WWOX: variants seen among roughly 807,000 people sequenced by gnomAD.
WWOX encodes the protein WW domain containing oxidoreductase, also known as WW domain-containing oxidoreductase.
Under a neutral mutation model 46.2 loss-of-function variants are expected in WWOX, and 69 were observed. That is an observed-to-expected ratio of 1.49 (90% CI 1.23 to 1.82). The LOEUF (loss-of-function observed/expected upper bound fraction) is 1.82, where lower values mean the gene tolerates loss of function less well. WWOX is among the 40% of genes most tolerant of loss of function. The pLI is 0.00. For synonymous variants in WWOX, 359 were observed against 202.6 expected, an observed-to-expected ratio of 1.77 and a Z score of -6.56; for missense variants, 919 against 542.6, an observed-to-expected ratio of 1.69 and a Z score of -6.89.
chr16:78,479,890 C>G (rs189102061), intron 8 of WWOX, among the ~76,000 whole-genome samples: 5 of 152,042 alleles, frequency 3.3e-5, no homozygotes, highest in Admixed American at 1.3e-4. Flanking sequence ...GCATTGTTCA[C>G]TGCCCCCTCC....
chr16:78,849,397 C>G (rs1036014178), intron 8 of WWOX, among the ~76,000 whole-genome samples: 1 of 151,624 alleles, frequency 6.6e-6, no homozygotes, highest in South Asian at 2.1e-4. Flanking sequence ...CGGTGAAACC[C>G]CATCTCTATT....
chr16:78,405,368 C>T (rs986461352), intron 6 of WWOX, among the ~76,000 whole-genome samples: 1 of 152,114 alleles, frequency 6.6e-6, no homozygotes, highest in African/African-American at 2.4e-5. Flanking sequence ...CAGCAGAATC[C>T]ATTCCCAGTT....
rs74034976 is a variant in WWOX, at chr16:79,112,224, T to G, written c.1057-99384T>G. Among the ~76,000 whole-genome samples the G allele has an allele frequency of 8.1e-3, 1,230 of 152,278 alleles. 20 individuals are homozygous for G. The highest frequency in any genetic ancestry group is 0.028 in the African/African-American group (1,161 of 41,558). ...TTATACATGCCAAACAGACTCTTGG[T>G]TTGTGTCTACTGACCCAACAAAAGG... On this transcript the variant is annotated intron_variant, in intron 8 of 8. Coordinates refer to ENST00000566780, the MANE Select transcript of WWOX (RefSeq NM_016373.4).
intron 5 of WWOX, among the ~76,000 whole-genome samples, chr16:78,332,252 A>G (rs139054989): frequency 6.6e-6 from 1 of 152,326 alleles, no homozygotes; most frequent in Non-Finnish European, 1.5e-5. Flanking sequence ...CAGATCCCAG[A>G]TGGATCTACT....
At chr16:79,009,074 C>T (rs921052666) in intron 8 of WWOX, among the ~76,000 whole-genome samples, 1 of 152,170 alleles carries the variant, frequency 6.6e-6, no homozygotes, top group Admixed American at 6.5e-5. Context: ...GAGGGATCCA[C>T]GGAGCTGGCA....
intron 4 of WWOX, among the ~76,000 whole-genome samples, chr16:78,144,426 T>TTATTATATATATATATA: frequency 1.2e-5 from 1 of 83,228 alleles, no homozygotes; most frequent in Non-Finnish European, 2.3e-5. Context: ...GTTTTTGCCA[T>TTATTATATATATATATA]TACTATATAT....
At chr16:79,162,014 C>G (rs566312244) in intron 8 of WWOX, among the ~76,000 whole-genome samples, 1 of 152,298 alleles carries the variant, frequency 6.6e-6, no homozygotes, top group East Asian at 1.9e-4. Context: ...AACCAGGACA[C>G]CTGTCTCCCA....
At chr16:78,269,918 T>TTTTTTTTG (rs2079441155) in intron 5 of WWOX, among the ~76,000 whole-genome samples, 1 of 151,404 alleles carries the variant, frequency 6.6e-6, no homozygotes, top group Admixed American at 6.6e-5. Context: ...AAGGAAGTTT[T>TTTTTTTTG]TTTTTTTTTT....
chr16:78,658,568 G>T (rs1028636347), intron 8 of WWOX, among the ~76,000 whole-genome samples: 4 of 152,150 alleles, frequency 2.6e-5, no homozygotes, highest in Admixed American at 2.6e-4. Context: ...AGCCTGCTCC[G>T]TGCCTCTCCT....
chr16:78,161,537 C>A (rs1444555886), intron 4 of WWOX, among the ~76,000 whole-genome samples: 1 of 152,098 alleles, frequency 6.6e-6, no homozygotes, highest in East Asian at 1.9e-4. Flanking sequence ...CCCTTGAACT[C>A]TTGGACTCAG....
intron 8 of WWOX, among the ~76,000 whole-genome samples, chr16:78,813,562 G>A (rs368750313): frequency 2.6e-4 from 40 of 152,130 alleles, no homozygotes; most frequent in Middle Eastern, 3.4e-3. Flanking sequence ...TGTATATGTG[G>A]GCAGGAATGT....
chr16:79,092,033 G>A (rs552128178), intron 8 of WWOX, among the ~76,000 whole-genome samples: 6 of 151,996 alleles, frequency 3.9e-5, no homozygotes, highest in East Asian at 1.9e-4. Flanking sequence ...TTCTCGCCTC[G>A]GCCTCCCAAA....
intron 6 of WWOX, among the ~76,000 whole-genome samples, chr16:78,403,337 C>T (rs895571292): frequency 6.6e-6 from 1 of 152,210 alleles, no homozygotes; most frequent in African/African-American, 2.4e-5. Context: ...AAATCGTCAT[C>T]TGGTACTTAA....
At chr16:78,811,088 T>C (rs2051176586) in intron 8 of WWOX, among the ~76,000 whole-genome samples, 1 of 152,174 alleles carries the variant, frequency 6.6e-6, no homozygotes, top group African/African-American at 2.4e-5. Context: ...ACAACTCCTC[T>C]TCTCGTCTGG....
At chr16:78,627,974 G>C (rs1410717252) in intron 8 of WWOX, among the ~76,000 whole-genome samples, 1 of 152,188 alleles carries the variant, frequency 6.6e-6, no homozygotes, top group Non-Finnish European at 1.5e-5. Flanking sequence ...TGACAAACTG[G>C]CATTTGTCCT....
intron 8 of WWOX, among the ~76,000 whole-genome samples, chr16:78,501,470 C>T (rs2085066416): frequency 6.6e-6 from 1 of 151,840 alleles, no homozygotes; most frequent in South Asian, 2.1e-4. Context: ...AACCTTTTTG[C>T]TGGCTCTCTT....
intron 5 of WWOX, among the ~76,000 whole-genome samples, chr16:78,309,022 A>G (rs1190095998): frequency 6.6e-6 from 1 of 152,058 alleles, no homozygotes; most frequent in African/African-American, 2.4e-5. Context: ...ATCCCCACCC[A>G]AAATCAGTCC....
At chr16:78,103,481 C>T (rs949874072) in intron 1 of WWOX, among the ~76,000 whole-genome samples, 3 of 151,948 alleles carry the variant, frequency 2.0e-5, no homozygotes, top group Non-Finnish European at 2.9e-5. Context: ...TGTGTCCGTC[C>T]CTGCTGGCCC....
chr16:78,451,932 G>A (rs974292636), intron 8 of WWOX, among the ~76,000 whole-genome samples: 1 of 152,150 alleles, frequency 6.6e-6, no homozygotes, highest in Non-Finnish European at 1.5e-5. Context: ...GTAATGTATT[G>A]TTGGAGCCCT....
Sources: gnomAD v4.1 joint callset for allele counts (sites outside exome capture counted in the v4.1 genomes callset) on GRCh38, gnomAD v4.1.1 for gene constraint, MANE v1.5 for transcripts, NCBI Gene and HGNC (gene_info 2026-07-23, HGNC 2026-07-21) for gene names.